GNAO1: variants seen among roughly 807,000 people sequenced by gnomAD.
The protein encoded by GNAO1 is guanine nucleotide-binding protein G(o) subunit alpha.
For synonymous variants in GNAO1, 164 were observed against 180.7 expected (o/e 0.91, Z 0.74); for missense variants, 166 against 478.7 (o/e 0.35, Z 6.10).
At chr16:56,244,631 A>G (rs1170740060) in intron 2 of GNAO1, among the ~76,000 whole-genome samples, 1 of 151,586 alleles carries the variant, frequency 6.6e-6, no homozygotes, top group Non-Finnish European at 1.5e-5. Context: ...AGGTCATTTG[A>G]CCCCCTGGGA....
At chr16:56,344,729 G>T (rs1370889310) in intron 6 of GNAO1, 7 of 985,418 alleles carry the variant, frequency 7.1e-6, no homozygotes, top group South Asian at 4.7e-5. Context: ...CCCAGTCCTC[G>T]CAGGCCAAAG....
Position 56,295,914 on chromosome 16 carries a change from A to G in GNAO1, c.303+19842A>G, listed in dbSNP as rs78721177. Among the ~76,000 whole-genome samples the G allele has an allele frequency of 7.5e-3, 1,136 of 152,350 alleles. 13 individuals are homozygous for G. Among genetic ancestry groups the G allele is most frequent in the African/African-American group, 0.026 (1,093 of 41,588 alleles). ...GCTGTCACTGGCGTCTTCCTTGGTT[A>G]TAAATAACAGGCTCTATTCTTAGCC... is the stretch of plus-strand genomic sequence containing the variant. On this transcript the variant is annotated intron_variant, in intron 3 of 8. Transcript: ENST00000262493.
intron 3 of GNAO1, among the ~76,000 whole-genome samples, chr16:56,300,032 T>C (rs1239359930): frequency 6.7e-5 from 9 of 134,892 alleles, no homozygotes; most frequent in African/African-American, 2.7e-4. Flanking sequence ...TGTGTGTGTG[T>C]GTGTGCGCGC....
At chr16:56,303,079 C>T (rs559808412) in intron 3 of GNAO1, among the ~76,000 whole-genome samples, 132 of 152,326 alleles carry the variant, frequency 8.7e-4, no homozygotes, top group Non-Finnish European at 1.6e-3. Context: ...GGGACCTCCA[C>T]GCGCAGCCGA....
At chr16:56,258,016 G>A (rs1198576255) in intron 2 of GNAO1, among the ~76,000 whole-genome samples, 3 of 152,206 alleles carry the variant, frequency 2.0e-5, no homozygotes, top group Admixed American at 6.5e-5. Flanking sequence ...ATAAATGTTT[G>A]CTTAAAGGAA....
intron 3 of GNAO1, among the ~76,000 whole-genome samples, chr16:56,300,428 G>A (rs544181716): frequency 2.6e-5 from 4 of 152,220 alleles, no homozygotes; most frequent in Non-Finnish European, 5.9e-5. Flanking sequence ...CATAGTAACA[G>A]TTAACCTCCA....
At chr16:56,210,233 A>T (rs1176510576) in intron 2 of GNAO1, among the ~76,000 whole-genome samples, 2 of 152,174 alleles carry the variant, frequency 1.3e-5, no homozygotes, top group Admixed American at 6.5e-5. Context: ...ATGTGTTTTC[A>T]TGGCTTGACA....
chr16:56,348,124 T>G (rs2037890275), intron 6 of GNAO1: 1 of 964,802 alleles, frequency 1.0e-6, no homozygotes, highest in African/African-American at 1.8e-5. Flanking sequence ...AAATCTCTAG[T>G]TATTGTAATA....
At chr16:56,223,519 G>T (rs1260611319) in intron 2 of GNAO1, among the ~76,000 whole-genome samples, 2 of 152,208 alleles carry the variant, frequency 1.3e-5, no homozygotes, top group Admixed American at 6.5e-5. Context: ...AATGGCATCT[G>T]CAAAGTCCCT....
chr16:56,346,353 G>A lies in GNAO1; in HGVS notation c.724-5031G>A, dbSNP rs573532606. On this transcript the variant is annotated intron_variant, in intron 6 of 8. Coordinates refer to ENST00000262493, the MANE Select transcript of GNAO1 (RefSeq NM_020988.3). ...GGTTTCTAATCCACAGTGGTCCTGC[G>A]TGTGCCCTGAGGGGCCATGGTAACC... The A allele has an allele frequency of 1.4e-5, 14 of 985,406 alleles. No homozygotes were observed. The South Asian group carries it at 1.9e-4, about 13-fold the overall frequency. The allele number at this position is 985,406 out of a possible 1,614,324, so 61.0% of individuals were successfully genotyped here. A position where few individuals can be genotyped will look rare whatever the true frequency, so the allele number is the denominator to read the frequency against.
Position 56,276,044 on chromosome 16 carries a change from G to A in GNAO1, c.275G>A (p.Gly92Asp), listed in dbSNP as rs1271540719. ...ATCGTCCGGGCCATGGACACTTTGG[G>A]CATCGAATATGGTGATAAGGAGAGA... ...AAIVRAMDTL[G>D]IEYGDKERKA... Residue 92 changes from glycine to aspartate, a missense_variant, in exon 3 of 9, where the codon GGC becomes GAC. Coordinates refer to ENST00000262493, the MANE Select transcript of GNAO1 (RefSeq NM_020988.3). The A allele has an allele frequency of 6.2e-6, 10 of 1,613,938 alleles. No homozygotes were observed. Among genetic ancestry groups the A allele is most frequent in the Non-Finnish European group, 7.6e-6 (9 of 1,179,972 alleles).
intron 3 of GNAO1, among the ~76,000 whole-genome samples, chr16:56,288,643 G>A (rs542404304): frequency 5.3e-5 from 8 of 152,334 alleles, no homozygotes; most frequent in Middle Eastern, 3.4e-3. Flanking sequence ...AGTGGCCAGC[G>A]TGGGGGCCGG....
At chr16:56,346,600 C>A (rs970825711) in intron 6 of GNAO1, 5 of 985,276 alleles carry the variant, frequency 5.1e-6, no homozygotes, top group East Asian at 1.1e-4. Flanking sequence ...GTCTGCCCAG[C>A]CCCAAGCAGA....
chr16:56,300,037 GCGCGCGCGCGCGCGCACGCACA>G (rs1465575111), intron 3 of GNAO1, among the ~76,000 whole-genome samples: 26 of 89,368 alleles, frequency 2.9e-4, no homozygotes, highest in East Asian at 1.3e-3. Context: ...GTGTGTGTGT[GCGCGCGCGCGCGCGCACGCACA>G]TGTGCTTGTG....
At position 56,344,108 on chromosome 16, in the gene GNAO1, A is replaced by G. The variant is rs563306458; in HGVS notation, c.723+7248A>G. On this transcript the variant is annotated intron_variant, in intron 6 of 8. Coordinates refer to ENST00000262493, the MANE Select transcript of GNAO1 (RefSeq NM_020988.3). ...GGAGGAGGGAGCATCCTCCACCCGC[A>G]CCCCCCAACAGAACTTGTGGTAACG... is the stretch of plus-strand genomic sequence containing the variant. 3.7e-5 allele frequency: 54 copies of G among 1,452,144 alleles called. No individual in the cohort carries two copies. The African/African-American group carries it at 5.1e-4, about 14-fold the overall frequency. The allele number at this position is 1,452,144 out of a possible 1,614,324, so 90.0% of individuals were successfully genotyped here.
At chr16:56,332,030 G>A (rs1437081130) in intron 4 of GNAO1, among the ~76,000 whole-genome samples, 2 of 152,076 alleles carry the variant, frequency 1.3e-5, no homozygotes, top group African/African-American at 2.4e-5. Context: ...TCCCCTGGCA[G>A]GTACATCAGA....
At chr16:56,314,632 C>T (rs1309491709) in intron 3 of GNAO1, among the ~76,000 whole-genome samples, 2 of 152,234 alleles carry the variant, frequency 1.3e-5, no homozygotes, top group Non-Finnish European at 2.9e-5. Context: ...AATGGCAGCT[C>T]TGCAGCCCGG....
intron 6 of GNAO1, chr16:56,346,822 G>A (rs1283407293): frequency 1.0e-6 from 1 of 985,314 alleles, no homozygotes; most frequent in Non-Finnish European, 1.2e-6. Context: ...TAGGAGCAGA[G>A]GCAGCCCCAA....
In GNAO1 at chr16:56,357,006, T is replaced by C. The variant is rs1167447569; in HGVS notation, c.*932T>C. Reference sequence around the variant, plus strand: ...GTCCGCTCTCTCATGTGGGGATGTTTGTGCTGCAGACAAAAAGAACAAAAA... The same window carrying C: ...GTCCGCTCTCTCATGTGGGGATGTTCGTGCTGCAGACAAAAAGAACAAAAA... On this transcript the variant is annotated 3_prime_UTR_variant, in exon 9 of 9. Transcript: ENST00000262493. 1 of 151,532 alleles carries C rather than the reference T, an allele frequency of 6.6e-6. No individual in the cohort carries two copies. The highest frequency in any genetic ancestry group is 2.4e-5 in the African/African-American group (1 of 41,140). The allele number at this position is 151,532 out of a possible 1,614,324, so 9.4% of individuals were successfully genotyped here.
Sources: allele counts gnomAD v4.1 joint callset (sites outside exome capture counted in the v4.1 genomes callset), GRCh38; gene constraint gnomAD v4.1.1; transcripts MANE v1.5; gene names NCBI Gene and HGNC (gene_info 2026-07-23, HGNC 2026-07-21).